Variants in MYOD1 observed in about 807,000 individuals in gnomAD.
The protein encoded by MYOD1 is myogenic differentiation 1.
In MYOD1, 15 loss-of-function variants were observed where a neutral mutation model predicts 14.9. The observed-to-expected ratio is 1.01, with a 90% CI of 0.67 to 1.55. MYOD1 has a LOEUF of 1.55. Ranked by LOEUF, MYOD1 falls within the 40% of genes most tolerant of loss-of-function variation. The pLI, the probability that MYOD1 is intolerant of heterozygous loss-of-function variation, is 0.00. For synonymous variants in MYOD1, 235 were observed against 218.6 expected (o/e 1.07, Z -0.66); for missense variants, 529 against 482.6 (o/e 1.10, Z -0.90).
At position 17,720,994 on chromosome 11, in the gene MYOD1, G is replaced by T. The variant is rs1008105153; in HGVS notation, c.709+14G>T. On this transcript the variant is annotated intron_variant, in intron 2 of 2. Transcript: ENST00000250003. ...AGGCGCCCAGCGGTGGGTATTCCGGGCCTCTCCCTGCTCGCTCCTCCTCCT... is the reference window on the plus strand; with the variant it reads ...AGGCGCCCAGCGGTGGGTATTCCGGTCCTCTCCCTGCTCGCTCCTCCTCCT... The T allele has an allele frequency of 8.3e-6, 13 of 1,570,204 alleles. No homozygotes were observed. The highest frequency in any genetic ancestry group is 8.6e-6 in the Non-Finnish European group (10 of 1,158,640).
At position 17,720,951 on chromosome 11, in the gene MYOD1, A is replaced by G; in HGVS notation, c.680A>G (p.Glu227Gly). ...GGCGCCCGGCGGCGGAACTGCTACG[A>G]AGGCGCCTACTACAACGAGGCGCCC... ...PSGARRRNCY[E>G]GAYYNEAPSE... is the part of the protein sequence containing the mutation. Residue 227 changes from glutamate (E) to glycine (G), a missense_variant, in exon 2 of 3, where the codon GAA becomes GGA. Coordinates refer to ENST00000250003, the MANE Select transcript of MYOD1 (RefSeq NM_002478.5). 6.2e-7 allele frequency: 1 copy of G among 1,607,508 alleles called. No homozygotes were observed.
Position 17,719,932 on chromosome 11 carries a change from G to C in MYOD1, c.150G>C (p.Leu50=). The change falls in exon 1 of 3, where the codon CTG becomes CTC. Residue 50 remains leucine (L), a synonymous_variant. Coordinates refer to ENST00000250003, the MANE Select transcript of MYOD1 (RefSeq NM_002478.5). ...TCTTCGAAGACCTGGACCCGCGCCT[G>C]ATGCACGTGGGCGCGCTCCTGAAAC... ...LRFFEDLDPR[L]MHVGALLKPE... is the part of the protein sequence containing the mutation. The C allele has an allele frequency of 3.7e-6, 6 of 1,613,826 alleles. No individual in the cohort carries two copies. Among genetic ancestry groups the C allele is most frequent in the Non-Finnish European group, 5.1e-6 (6 of 1,179,982 alleles).
At position 17,721,001 on chromosome 11, in the gene MYOD1, C is replaced by A. The variant is rs775228779; in HGVS notation, c.709+21C>A. 4 of 1,558,600 alleles carry A rather than the reference C, an allele frequency of 2.6e-6. No homozygotes were observed. The highest frequency in any genetic ancestry group is 1.7e-4 in the Middle Eastern group (1 of 5,952). ...CAGCGGTGGGTATTCCGGGCCTCTCCCTGCTCGCTCCTCCTCCTTCATGGA... is the reference window on the plus strand; with the variant it reads ...CAGCGGTGGGTATTCCGGGCCTCTCACTGCTCGCTCCTCCTCCTTCATGGA... On this transcript the variant is annotated intron_variant, in intron 2 of 2. Transcript: ENST00000250003. The surrounding 1 kb of genome is among the most constrained non-coding windows in gnomAD (Gnocchi z 6.2).
Position 17,720,340 on chromosome 11 carries a change from G to T in MYOD1, c.558G>T (p.Pro186=). ...TCTATGCGCCGGGCCCGCTGCCCCC[G>T]GGCCGCGGCGGCGAGCACTACAGCG... is the stretch of plus-strand genomic sequence containing the variant. ...AAFYAPGPLP[P]GRGGEHYSGD... Residue 186 remains proline, a synonymous_variant, in exon 1 of 3, where the codon CCG becomes CCT. Coordinates refer to ENST00000250003, the MANE Select transcript of MYOD1 (RefSeq NM_002478.5). 1 of 1,534,366 alleles carries T rather than the reference G, an allele frequency of 6.5e-7. No individual in the cohort carries two copies. The highest frequency in any genetic ancestry group is 8.7e-7 in the Non-Finnish European group (1 of 1,150,046).
rs1366560920 is a variant in MYOD1, at chr11:17,719,817, AC to A, written c.37del (p.Leu13Ter). 4 of 1,613,376 alleles carry A rather than the reference AC, an allele frequency of 2.5e-6. No individual in the cohort carries two copies. The highest frequency in any genetic ancestry group is 3.4e-6 in the Non-Finnish European group (4 of 1,179,942). On this transcript the variant is annotated frameshift_variant, in exon 1 of 3. Transcript: ENST00000250003. LOFTEE classifies it high-confidence loss of function. The part of the protein sequence containing the change: ...ELLSPPLRDV[D>X]LTAPDGSLCS... ...CTGTCGCCACCGCTCCGCGACGTAG[AC>A]CTGACGGCCCCCGACGGCTCTCTCT...
At chr11:17,720,824 A>C in intron 1 of MYOD1, 78 bp from the exon 2 acceptor site, 1 of 1,458,854 alleles carries the variant, frequency 6.9e-7, no homozygotes, top group Non-Finnish European at 9.4e-7. Flanking sequence ...AGAGTTAGGG[A>C]GGGGGCGGCT....
Position 17,719,775 on chromosome 11 carries a change from G to C in MYOD1, c.-8G>C. The C allele has an allele frequency of 1.9e-6, 3 of 1,608,040 alleles. No homozygotes were observed. Among genetic ancestry groups the C allele is most frequent in the Non-Finnish European group, 1.7e-6 (2 of 1,176,816 alleles). On this transcript the variant is annotated 5_prime_UTR_variant, in exon 1 of 3. Coordinates refer to ENST00000250003, the MANE Select transcript of MYOD1 (RefSeq NM_002478.5). ...GAAGCCAGGACCGTGCCGCGCCACC[G>C]CCAGGATATGGAGCTACTGTCGCCA...
rs1220240848 is a variant in MYOD1, at chr11:17,720,032, C to T, written c.250C>T (p.Pro84Ser). ...GAREDEHVRA[P>S]SGHHQAGRCL... ...ACGTGAGGACGAGCATGTGCGCGCG[C>T]CCAGCGGGCACCACCAGGCGGGCCG... The change falls in exon 1 of 3, where the codon CCC (proline) becomes TCC (serine). Residue 84 changes from proline to serine, a missense_variant. Physicochemically the swap from Pro to Ser is moderately conservative, Grantham distance 74. Transcript: ENST00000250003. 5 of 1,582,626 alleles carry T rather than the reference C, an allele frequency of 3.2e-6. No individual in the cohort carries two copies. Among genetic ancestry groups the T allele is most frequent in the Non-Finnish European group, 3.4e-6 (4 of 1,164,716 alleles).
chr11:17,720,784 G>A (rs1848630214), intron 1 of MYOD1, 118 bp from the exon 2 acceptor site: 2 of 1,146,214 alleles, frequency 1.7e-6, no homozygotes, highest in South Asian at 1.5e-5. Flanking sequence ...AACCAGGACA[G>A]GTCTGGGCCC....
Sources: allele counts gnomAD v4.1 joint callset, GRCh38; gene constraint gnomAD v4.1.1; non-coding constraint Gnocchi (gnomAD v3.1); transcripts MANE v1.5; gene names NCBI Gene and HGNC (gene_info 2026-07-23, HGNC 2026-07-21).